EFNB2: variants seen among roughly 807,000 people sequenced by gnomAD.
EFNB2 encodes ephrin B2.
A neutral mutation model predicts 32.1 loss-of-function variants in EFNB2; 5 were observed. The ratio of observed to expected loss-of-function variants is 0.16; its 90% CI spans 0.08 to 0.33. EFNB2 has a LOEUF of 0.33. Ranked by LOEUF, EFNB2 falls within the 10% of genes least tolerant of loss-of-function variation. The probability of loss-of-function intolerance (pLI) is 1.00; values close to 1 mark genes in which losing one functional copy is unlikely to be tolerated. For missense variants in EFNB2, 263 were observed against 422.6 expected (o/e 0.62, Z 3.31); for synonymous variants, 168 against 166.5 (o/e 1.01, Z -0.07).
At chr13:106,528,267 A>G (rs1175243192) in intron 1 of EFNB2, among the ~76,000 whole-genome samples, 1 of 152,244 alleles carries the variant, frequency 6.6e-6, no homozygotes, top group Non-Finnish European at 1.5e-5. Context: ...AAAGCTACAT[A>G]GTAATGGCTA....
At chr13:106,526,004 C>T (rs988353515) in intron 1 of EFNB2, among the ~76,000 whole-genome samples, 3 of 150,260 alleles carry the variant, frequency 2.0e-5, no homozygotes, top group Non-Finnish European at 4.5e-5. Flanking sequence ...CGAGGGTTCT[C>T]AGCATGGCCC....
rs765542502 is a variant in EFNB2 at position 106,515,096 on chromosome 13, G to T, written c.123-2284C>A. Reference sequence around the variant, plus strand: ...CACAGGAGGTTTCCTCCCAGGCCATGCAAGTCACTCCTCTTGACTCTCATC... The same window carrying T: ...CACAGGAGGTTTCCTCCCAGGCCATTCAAGTCACTCCTCTTGACTCTCATC... On this transcript the variant is annotated intron_variant, in intron 1 of 4. Coordinates refer to ENST00000646441, the MANE Select transcript of EFNB2 (RefSeq NM_004093.4). 3.9e-5 allele frequency among the ~76,000 whole-genome samples: 6 copies of T among 152,112 alleles called. No homozygotes were observed. In the East Asian group the frequency reaches 1.2e-3, roughly 29 times the overall value.
chr13:106,495,572 T>A (rs919542042), intron 3 of EFNB2, among the ~76,000 whole-genome samples, 176 bp downstream of exon 3: 2 of 152,182 alleles, frequency 1.3e-5, no homozygotes, highest in African/African-American at 2.4e-5. Context: ...AGATCTCCAA[T>A]AAAAGCTTAG....
intron 2 of EFNB2, among the ~76,000 whole-genome samples, chr13:106,502,130 G>C (rs892104485): frequency 1.3e-5 from 2 of 152,150 alleles, no homozygotes; most frequent in African/African-American, 2.4e-5. Context: ...CATTGCTATG[G>C]TTGTGTTTTG....
chr13:106,521,789 A>G (rs1879529794), intron 1 of EFNB2, among the ~76,000 whole-genome samples: 1 of 151,602 alleles, frequency 6.6e-6, no homozygotes, highest in African/African-American at 2.4e-5. Context: ...GGAAAATAAC[A>G]GAAGTATTTA....
chr13:106,495,016 A>G (rs1878541380), intron 3 of EFNB2, 22 bp from the exon 4 acceptor site: 1 of 1,583,654 alleles, frequency 6.3e-7, no homozygotes. Flanking sequence ...ACAAATGATT[A>G]ATTACGGCAC....
chr13:106,522,662 A>G (rs568192895), intron 1 of EFNB2, among the ~76,000 whole-genome samples: 16 of 151,534 alleles, frequency 1.1e-4, no homozygotes, highest in African/African-American at 3.9e-4. Flanking sequence ...CCCTCTGCCC[A>G]TCCCTTTCCT....
chr13:106,492,123 GA>G lies in EFNB2; in HGVS notation c.*916del, dbSNP rs1324522761. 2.4e-4 allele frequency: 37 copies of G among 152,804 alleles called. No homozygotes were observed. The highest frequency in any genetic ancestry group is 8.2e-4 in the African/African-American group (34 of 41,580). 9.5% of individuals were successfully genotyped at this position (152,804 alleles called of 1,614,324 possible). The stretch of plus-strand genomic sequence containing the variant: ...CTTTTCTTCCTGCACATCGCTATTT[GA>G]TAACAGCGAGTGCCTCCCCATGCAC... On this transcript the variant is annotated 3_prime_UTR_variant, in exon 5 of 5. Coordinates refer to ENST00000646441, the MANE Select transcript of EFNB2 (RefSeq NM_004093.4). This position sits in a 1 kb window ranked among gnomAD's most constrained non-coding sequence, Gnocchi z 5.1.
At chr13:106,533,834 G>A (rs1001291500) in intron 1 of EFNB2, among the ~76,000 whole-genome samples, 3 of 152,164 alleles carry the variant, frequency 2.0e-5, no homozygotes, top group African/African-American at 7.2e-5. Flanking sequence ...TTTTGGCTGT[G>A]ATTCGAAATA....
intron 1 of EFNB2, among the ~76,000 whole-genome samples, chr13:106,523,407 C>T (rs1879599966): frequency 6.6e-6 from 1 of 152,120 alleles, no homozygotes; most frequent in Non-Finnish European, 1.5e-5. Flanking sequence ...CCCAAAAACA[C>T]CCTAGAAGTT....
At chr13:106,533,218 C>A (rs1312453762) in intron 1 of EFNB2, among the ~76,000 whole-genome samples, 1 of 151,296 alleles carries the variant, frequency 6.6e-6, no homozygotes, top group Non-Finnish European at 1.5e-5. Flanking sequence ...GAAGAGTGAC[C>A]TCTGGAGGCA....
intron 2 of EFNB2, among the ~76,000 whole-genome samples, chr13:106,501,595 C>A (rs1203467693): frequency 6.6e-6 from 1 of 151,430 alleles, no homozygotes; most frequent in African/African-American, 2.4e-5. Flanking sequence ...AATTTATTTT[C>A]CTTTTTTTTT....
intron 3 of EFNB2, 116 bp downstream of exon 3, chr13:106,495,632 G>C (rs960855552): frequency 1.0e-6 from 1 of 982,214 alleles, no homozygotes. Context: ...AGAAGGGTTT[G>C]CTTTGAAAAC....
At chr13:106,496,814 C>A (rs567500628) in intron 2 of EFNB2, among the ~76,000 whole-genome samples, 3 of 152,248 alleles carry the variant, frequency 2.0e-5, no homozygotes, top group African/African-American at 7.2e-5. Context: ...CTGCCAGGTA[C>A]TTTAATGAGA....
intron 1 of EFNB2, chr13:106,520,374 C>T (rs1879467391): frequency 6.6e-6 from 1 of 152,188 alleles, no homozygotes; most frequent in Admixed American, 6.5e-5. Flanking sequence ...TGTTTCCAGT[C>T]ACCTCCTGAC....
intron 2 of EFNB2, 56 bp downstream of exon 2, chr13:106,512,473 A>C: frequency 1.7e-6 from 2 of 1,157,330 alleles, no homozygotes; most frequent in Non-Finnish European, 2.3e-6. Context: ...AAATTGATAC[A>C]AACCTATATA....
chr13:106,500,916 A>G (rs1357222394), intron 2 of EFNB2, among the ~76,000 whole-genome samples: 1 of 152,166 alleles, frequency 6.6e-6, no homozygotes, highest in Non-Finnish European at 1.5e-5. Flanking sequence ...CACAAACACA[A>G]CAACAAACCA....
chr13:106,527,923 T>G (rs1181774023), intron 1 of EFNB2, among the ~76,000 whole-genome samples: 1 of 152,254 alleles, frequency 6.6e-6, no homozygotes, highest in East Asian at 1.9e-4. Flanking sequence ...CTTTTTCTTT[T>G]GTCATTTGCC....
chr13:106,509,981 A>G (rs966761102), intron 2 of EFNB2: 2 of 152,220 alleles, frequency 1.3e-5, no homozygotes, highest in African/African-American at 2.4e-5. Flanking sequence ...CTTAGCCCTG[A>G]GTCCTCCACC....
Sources: gnomAD v4.1 joint callset for allele counts (sites outside exome capture counted in the v4.1 genomes callset) on GRCh38, gnomAD v4.1.1 for gene constraint, Gnocchi (gnomAD v3.1) non-coding constraint, MANE v1.5 for transcripts, NCBI Gene and HGNC (gene_info 2026-07-23, HGNC 2026-07-21) for gene names.